The following ADGRL3 variants were observed in gnomAD, a reference collection of about 807,000 sequenced individuals.
The protein encoded by ADGRL3 is adhesion G protein-coupled receptor L3.
ADGRL3 carries 62 observed loss-of-function variants against 153.5 expected under a neutral mutation model. The observed-to-expected ratio is 0.40, with a 90% CI of 0.33 to 0.50. The LOEUF (loss-of-function observed/expected upper bound fraction) is 0.50, where lower values mean the gene tolerates loss of function less well. Ranked by LOEUF, ADGRL3 falls within the 20% of genes least tolerant of loss-of-function variation. The probability of loss-of-function intolerance (pLI) is 0.47; values close to 1 mark genes in which losing one functional copy is unlikely to be tolerated. For synonymous variants in ADGRL3, 710 were observed against 672.5 expected (o/e 1.06, Z -0.86); for missense variants, 1,641 against 1,859.4 (o/e 0.88, Z 2.16).
intron 2 of ADGRL3, among the ~76,000 whole-genome samples, chr4:61,403,074 C>T (rs1273318564): frequency 6.0e-5 from 8 of 133,808 alleles, no homozygotes; most frequent in Non-Finnish European, 1.2e-4. Flanking sequence ...ACACAGGGAG[C>T]GGGAACTCTC....
intron 4 of ADGRL3, among the ~76,000 whole-genome samples, chr4:61,544,034 A>G (rs182054807): frequency 6.6e-6 from 1 of 152,306 alleles, no homozygotes; most frequent in Admixed American, 6.5e-5. Flanking sequence ...ACTCTTTATG[A>G]TTAAAAACAA....
intron 5 of ADGRL3, among the ~76,000 whole-genome samples, chr4:61,618,902 G>A (rs968862242): frequency 6.6e-6 from 1 of 151,968 alleles, no homozygotes; most frequent in Non-Finnish European, 1.5e-5. Flanking sequence ...TGTTTTTTGT[G>A]GAGACAGGGT....
chr4:61,577,317 A>ATT (rs2149229721), intron 4 of ADGRL3, among the ~76,000 whole-genome samples: 1 of 152,020 alleles, frequency 6.6e-6, no homozygotes, highest in South Asian at 2.1e-4. Context: ...GTTGCTTAAT[A>ATT]ACTCCTTTCC....
intron 4 of ADGRL3, among the ~76,000 whole-genome samples, chr4:61,527,954 C>A (rs1391489801): frequency 1.3e-5 from 2 of 152,110 alleles, no homozygotes; most frequent in Non-Finnish European, 2.9e-5. Context: ...TCTCTCACCA[C>A]CATGCCCTTT....
At chr4:62,035,034 T>C (rs1464329905) in intron 23 of ADGRL3, among the ~76,000 whole-genome samples, 2 of 152,008 alleles carry the variant, frequency 1.3e-5, no homozygotes, top group African/African-American at 4.8e-5. Flanking sequence ...TAGATTAGAA[T>C]ATGCAAATGA....
At chr4:61,485,921 TTTTTTG>T (rs1205969698) in intron 2 of ADGRL3, among the ~76,000 whole-genome samples, 1 of 151,712 alleles carries the variant, frequency 6.6e-6, no homozygotes, top group African/African-American at 2.4e-5. Context: ...ATGCTTTTTT[TTTTTTG>T]TTTTGTTTGT....
intron 1 of ADGRL3, among the ~76,000 whole-genome samples, chr4:61,329,668 C>A (rs536729537): frequency 6.6e-6 from 1 of 151,996 alleles, no homozygotes; most frequent in South Asian, 2.1e-4. Flanking sequence ...TTTTACTCAA[C>A]AGTATGTCAT....
At chr4:61,870,818 A>G (rs1439328706) in intron 9 of ADGRL3, among the ~76,000 whole-genome samples, 1 of 152,168 alleles carries the variant, frequency 6.6e-6, no homozygotes, top group African/African-American at 2.4e-5. Flanking sequence ...ATATGGAGAA[A>G]TTGGAACACT....
chr4:61,828,076 C>T (rs2097829178), intron 9 of ADGRL3, among the ~76,000 whole-genome samples: 2 of 152,250 alleles, frequency 1.3e-5, no homozygotes, highest in East Asian at 1.9e-4. Flanking sequence ...AGTTGAAAAG[C>T]ATGCCTGCCA....
chr4:61,927,402 T>A (rs1581496340), intron 13 of ADGRL3, among the ~76,000 whole-genome samples: 1 of 152,124 alleles, frequency 6.6e-6, no homozygotes, highest in Admixed American at 6.6e-5. Flanking sequence ...AGACACAGTC[T>A]GTTCTATGAA....
At chr4:61,789,851 C>G (rs1268410832) in intron 8 of ADGRL3, among the ~76,000 whole-genome samples, 1 of 152,070 alleles carries the variant, frequency 6.6e-6, no homozygotes, top group African/African-American at 2.4e-5. Flanking sequence ...ATAATCAAAA[C>G]TAGAATGGCA....
At chr4:61,910,207 T>A (rs2098715848) in intron 12 of ADGRL3, among the ~76,000 whole-genome samples, 1 of 151,872 alleles carries the variant, frequency 6.6e-6, no homozygotes, top group South Asian at 2.1e-4. Flanking sequence ...TATAGATGAT[T>A]TAAAAACTGA....
chr4:61,910,217 A>G (rs1447495463), intron 12 of ADGRL3, among the ~76,000 whole-genome samples: 1 of 151,868 alleles, frequency 6.6e-6, no homozygotes, highest in Non-Finnish European at 1.5e-5. Context: ...TTAAAAACTG[A>G]GATAATTTAT....
intron 13 of ADGRL3, among the ~76,000 whole-genome samples, chr4:61,924,687 A>G (rs187157478): frequency 7.7e-4 from 118 of 152,280 alleles, no homozygotes; most frequent in African/African-American, 2.8e-3. Context: ...CAAAAGTTCC[A>G]TTTGAAGACT....
chr4:62,047,210 C>T (rs1731599733), intron 25 of ADGRL3, among the ~76,000 whole-genome samples: 2 of 151,724 alleles, frequency 1.3e-5, no homozygotes, highest in East Asian at 3.9e-4. Flanking sequence ...TGTATTGAAT[C>T]TCTTATTTTT....
intron 1 of ADGRL3, among the ~76,000 whole-genome samples, chr4:61,303,399 A>T (rs1309602361): frequency 6.6e-6 from 1 of 152,140 alleles, no homozygotes; most frequent in East Asian, 1.9e-4. Context: ...CTGCACATGG[A>T]AAATATTACC....
intron 5 of ADGRL3, among the ~76,000 whole-genome samples, chr4:61,638,015 T>C (rs1258153357): frequency 6.6e-6 from 1 of 152,172 alleles, no homozygotes; most frequent in Non-Finnish European, 1.5e-5. Flanking sequence ...ATCAACTTTA[T>C]GGCCCTGTAA....
chr4:61,747,015 A>G (rs1320633668), intron 8 of ADGRL3, among the ~76,000 whole-genome samples: 2 of 152,242 alleles, frequency 1.3e-5, no homozygotes, highest in African/African-American at 4.8e-5. Flanking sequence ...ATAAAAAATG[A>G]TAAAGGGGAT....
chr4:61,890,049 A>G (rs549370065), intron 9 of ADGRL3, among the ~76,000 whole-genome samples: 1 of 152,364 alleles, frequency 6.6e-6, no homozygotes, highest in East Asian at 1.9e-4. Context: ...GTTCAGAGGC[A>G]TCCTGAACAA....
Sources: gnomAD v4.1 joint callset for allele counts (sites outside exome capture counted in the v4.1 genomes callset) on GRCh38, gnomAD v4.1.1 for gene constraint, MANE v1.5 for transcripts, NCBI Gene and HGNC (gene_info 2026-07-23, HGNC 2026-07-21) for gene names.